Variants in ATP10B observed in about 807,000 individuals in gnomAD.
The protein encoded by ATP10B is phospholipid-transporting ATPase VB.
Under a neutral mutation model 141.2 loss-of-function variants are expected in ATP10B, and 122 were observed. That is an observed-to-expected ratio of 0.86 (90% CI 0.75 to 1.00). The LOEUF (loss-of-function observed/expected upper bound fraction) is 1.00. ATP10B is among the 50% of genes least tolerant of loss of function. The pLI, the probability that ATP10B is intolerant of heterozygous loss-of-function variation, is 0.00. For missense variants in ATP10B, 1,876 were observed against 1,825.3 expected (o/e 1.03, Z -0.51); for synonymous variants, 685 against 692.0 (o/e 0.99, Z 0.16).
At chr5:160,692,836 T>C (rs1176917670) in intron 3 of ATP10B, 1 of 152,222 alleles carries the variant, frequency 6.6e-6, no homozygotes, top group Non-Finnish European at 1.5e-5. Context: ...GGATTTGAGG[T>C]TTCCTCCCAT....
the ATP10B span, among the ~76,000 whole-genome samples, chr5:160,867,035 C>G: frequency 1.3e-5 from 2 of 152,092 alleles, no homozygotes; most frequent in African/African-American, 4.8e-5. Flanking sequence ...GATTTATGTC[C>G]TAGTTCCATC....
At chr5:160,604,166 AG>A in intron 19 of ATP10B, 125 bp from the exon 20 acceptor site, 2 of 720,418 alleles carry the variant, frequency 2.8e-6, no homozygotes, top group Non-Finnish European at 5.0e-6. Context: ...TGCTATAGAA[AG>A]TCATTGCTAT....
At chr5:160,627,416 G>A (rs922934293) in intron 13 of ATP10B, among the ~76,000 whole-genome samples, 1 of 152,194 alleles carries the variant, frequency 6.6e-6, no homozygotes, top group Non-Finnish European at 1.5e-5. Flanking sequence ...CAGAGTAGAT[G>A]CTTACTGAAT....
At chr5:160,803,718 A>G (rs988063966) in intron 1 of ATP10B, among the ~76,000 whole-genome samples, 10 of 152,198 alleles carry the variant, frequency 6.6e-5, no homozygotes, top group Admixed American at 1.3e-4. Context: ...GTTCAAGGTC[A>G]CATAGCTTGT....
the ATP10B span, among the ~76,000 whole-genome samples, chr5:160,906,370 C>G: frequency 1.3e-5 from 2 of 151,966 alleles, no homozygotes; most frequent in Non-Finnish European, 2.9e-5. Context: ...CTATGCTACT[C>G]AAGTTCTCCT....
intron 2 of ATP10B, among the ~76,000 whole-genome samples, chr5:160,728,708 C>A (rs762700742): frequency 6.6e-6 from 1 of 152,136 alleles, no homozygotes; most frequent in Non-Finnish European, 1.5e-5. Flanking sequence ...TCTTGGGGAA[C>A]CCCAAGACAT....
intron 7 of ATP10B, among the ~76,000 whole-genome samples, chr5:160,653,820 A>T (rs1761216238): frequency 7.8e-6 from 1 of 128,494 alleles, no homozygotes; most frequent in African/African-American, 3.0e-5. Context: ...TATATTATAT[A>T]GACGTATATA....
At chr5:160,900,371 C>A in the ATP10B span, among the ~76,000 whole-genome samples, 2 of 152,162 alleles carry the variant, frequency 1.3e-5, no homozygotes, top group South Asian at 4.1e-4. Flanking sequence ...CCACAGGAAA[C>A]GGTTTCTGTC....
the ATP10B span, among the ~76,000 whole-genome samples, chr5:160,915,529 A>G: frequency 6.6e-6 from 1 of 152,072 alleles, no homozygotes; most frequent in Admixed American, 6.6e-5. Context: ...ATGGGGTTTT[A>G]CCGTGTTGGC....
At chr5:160,579,689 C>A (rs1755422896) in intron 24 of ATP10B, among the ~76,000 whole-genome samples, 1 of 152,062 alleles carries the variant, frequency 6.6e-6, no homozygotes, top group South Asian at 2.1e-4. Flanking sequence ...TAGATTTTTC[C>A]AGTTCTGTGG....
At chr5:160,652,716 T>C (rs1349306484) in intron 7 of ATP10B, among the ~76,000 whole-genome samples, 17 of 123,200 alleles carry the variant, frequency 1.4e-4, no homozygotes, top group Non-Finnish European at 2.1e-4. Flanking sequence ...ATATATAATT[T>C]ATATATAATA....
At chr5:160,919,547 G>A in the ATP10B span, among the ~76,000 whole-genome samples, 3 of 152,196 alleles carry the variant, frequency 2.0e-5, no homozygotes, top group Non-Finnish European at 4.4e-5. Context: ...TCATAGCAGT[G>A]AGAAGCTCTT....
At chr5:160,773,973 G>C (rs1191233528) in intron 2 of ATP10B, among the ~76,000 whole-genome samples, 1 of 152,090 alleles carries the variant, frequency 6.6e-6, no homozygotes, top group Admixed American at 6.5e-5. Flanking sequence ...AAAGACTCAG[G>C]GGAGCTTTTG....
At chr5:160,755,835 AAAAATAT>A (rs1328020541) in intron 2 of ATP10B, among the ~76,000 whole-genome samples, 12 of 78,906 alleles carry the variant, frequency 1.5e-4, no homozygotes, top group African/African-American at 5.5e-4. Flanking sequence ...AAAAAAAAAA[AAAAATAT>A]ATATATATAT....
chr5:160,726,879 T>G (rs1011742604), intron 2 of ATP10B, among the ~76,000 whole-genome samples: 2 of 151,602 alleles, frequency 1.3e-5, no homozygotes, highest in Admixed American at 6.6e-5. Context: ...GAAAGACTTA[T>G]CAGAAACTCA....
Position 160,564,735 on chromosome 5 carries a change from C to A in ATP10B, c.*718G>T, listed in dbSNP as rs1241974891. 6.6e-6 allele frequency: 1 copy of A among 152,216 alleles called. No individual in the cohort carries two copies. The highest frequency in any genetic ancestry group is 2.4e-5 in the African/African-American group (1 of 41,450). The allele number at this position is 152,216 out of a possible 1,614,324, so 9.4% of individuals were successfully genotyped here. The stretch of plus-strand genomic sequence containing the variant: ...CCAGCTGGTGGGACATATGGTCTGT[C>A]AGCCAAAACAGGGGTCTCTGGTGCA... On this transcript the variant is annotated 3_prime_UTR_variant, in exon 26 of 26. Transcript: ENST00000327245.
intron 1 of ATP10B, among the ~76,000 whole-genome samples, chr5:160,790,763 C>A (rs1771510446): frequency 6.6e-6 from 1 of 152,086 alleles, no homozygotes; most frequent in Non-Finnish European, 1.5e-5. Flanking sequence ...ATCCCCAGAC[C>A]TGGGGAATAT....
intron 2 of ATP10B, among the ~76,000 whole-genome samples, chr5:160,736,989 A>G (rs1581439524): frequency 1.3e-5 from 2 of 152,308 alleles, no homozygotes; most frequent in East Asian, 3.9e-4. Flanking sequence ...TCTGATGAAT[A>G]TTGATGCAAA....
chr5:160,845,835 GTTAA>G (rs1561919343), intron 1 of ATP10B, among the ~76,000 whole-genome samples: 1 of 151,816 alleles, frequency 6.6e-6, no homozygotes, highest in Non-Finnish European at 1.5e-5. Context: ...ACCAAAGACT[GTTAA>G]TTATTGTTTA....
Sources: gnomAD v4.1 joint callset for allele counts (sites outside exome capture counted in the v4.1 genomes callset) on GRCh38, gnomAD v4.1.1 for gene constraint, MANE v1.5 for transcripts, NCBI Gene and HGNC (gene_info 2026-07-23, HGNC 2026-07-21) for gene names.